The following DCUN1D5 variants were observed in gnomAD, a reference collection of about 807,000 sequenced individuals.
DCUN1D5 encodes defective in cullin neddylation 1 domain containing 5.
Under a neutral mutation model 38.3 loss-of-function variants are expected in DCUN1D5, and 10 were observed. That is an observed-to-expected ratio of 0.26 (90% confidence interval 0.16 to 0.44). DCUN1D5 has a LOEUF of 0.44. Ranked by LOEUF, DCUN1D5 falls within the 20% of genes least tolerant of loss-of-function variation. The probability of loss-of-function intolerance (pLI) is 1.00; values close to 1 mark genes in which losing one functional copy is unlikely to be tolerated. For synonymous variants in DCUN1D5, 93 were observed against 90.9 expected, an observed-to-expected ratio of 1.02 and a Z score of -0.13; for missense variants, 148 against 275.3, an observed-to-expected ratio of 0.54 and a Z score of 3.27.
chr11:103,063,652 A>G lies in DCUN1D5; in HGVS notation c.658+623T>C, dbSNP rs1390721656. 1.3e-5 allele frequency among the ~76,000 whole-genome samples: 2 copies of G among 152,152 alleles called. No homozygotes were observed. The highest frequency in any genetic ancestry group is 3.8e-4 in the East Asian group (2 of 5,200). On this transcript the variant is annotated intron_variant, in intron 7 of 7. Transcript: ENST00000260247. The surrounding 1 kb of genome is among the most constrained non-coding windows in gnomAD (Gnocchi z 4.6). Reference sequence around the variant, plus strand: ...ACCAAAATGGTGGTTGGAACTGAAAAAAATTTATAGTTCTACAGAATTAAC... The same window carrying G: ...ACCAAAATGGTGGTTGGAACTGAAAGAAATTTATAGTTCTACAGAATTAAC...
intron 4 of DCUN1D5, among the ~76,000 whole-genome samples, chr11:103,070,735 T>C (rs1208643330): frequency 6.6e-6 from 1 of 152,148 alleles, no homozygotes; most frequent in African/African-American, 2.4e-5. Flanking sequence ...TAGCTGAACT[T>C]AGTAGACTAC....
In DCUN1D5 at chr11:103,056,155, C is replaced by T. The variant is rs1861867951; in HGVS notation, c.*6204G>A. ...CATATTATCTTCCTACTACTACCTG[C>T]TTCCATCCTTGCTTTGATCTGAATC... On this transcript the variant is annotated 3_prime_UTR_variant, in exon 8 of 8. Coordinates refer to ENST00000260247, the MANE Select transcript of DCUN1D5 (RefSeq NM_032299.4). The surrounding 1 kb of genome is among the most constrained non-coding windows in gnomAD (Gnocchi z 4.9). Among the ~76,000 whole-genome samples, 1 of 152,186 alleles carries T rather than the reference C, an allele frequency of 6.6e-6. No individual in the cohort carries two copies.
At position 103,052,399 on chromosome 11, in the gene DCUN1D5, A is replaced by C. The variant is rs868743216; in HGVS notation, c.*9960T>G. On this transcript the variant is annotated 3_prime_UTR_variant, in exon 8 of 8. Transcript: ENST00000260247. ...AGTCTAGGATCAAAGAGAGACGTGA[A>C]TTTTTTCATTCATTAAATACCTATT... 1 of 152,136 alleles carries C rather than the reference A, an allele frequency of 6.6e-6. No individual in the cohort carries two copies. The highest frequency in any genetic ancestry group is 2.4e-5 in the African/African-American group (1 of 41,440). 9.4% of individuals were successfully genotyped at this position (152,136 alleles called of 1,614,324 possible). A position where few individuals can be genotyped will look rare whatever the true frequency, so the allele number is the denominator to read the frequency against.
Position 103,091,751 on chromosome 11 carries a change from G to C in DCUN1D5, c.86+36C>G, listed in dbSNP as rs776889446. The C allele has an allele frequency of 6.2e-7, 1 of 1,613,738 alleles. No individual in the cohort carries two copies. Among genetic ancestry groups the C allele is most frequent in the African/African-American group, 1.3e-5 (1 of 74,918 alleles). ...TCCTCCAGTTGTCCAGCAAAGGAGG[G>C]AGGAGGGAAGCTTGAAGGGTGGGGG... On this transcript the variant is annotated intron_variant, in intron 1 of 7. Coordinates refer to ENST00000260247, the MANE Select transcript of DCUN1D5 (RefSeq NM_032299.4). This position sits in a 1 kb window ranked among gnomAD's most constrained non-coding sequence, Gnocchi z 4.3.
At chr11:103,072,892 G>C (rs1180121372) in intron 4 of DCUN1D5, among the ~76,000 whole-genome samples, 1 of 152,004 alleles carries the variant, frequency 6.6e-6, no homozygotes, top group African/African-American at 2.4e-5. Flanking sequence ...ATGTACCCTA[G>C]AACTTGAAGT....
At position 103,083,367 on chromosome 11, in the gene DCUN1D5, CAACATAA is replaced by C. The variant is rs139214495; in HGVS notation, c.179-48_179-42del. The C allele has an allele frequency of 0.072, 78,166 of 1,091,386 alleles. 3,501 individuals are homozygous for C. Among genetic ancestry groups the C allele is most frequent in the East Asian group, 0.13 (5,288 of 40,266 alleles). The allele number at this position is 1,091,386 out of a possible 1,614,324, so 67.6% of individuals were successfully genotyped here. ...TAATTAACATATTTTGTTATAATAT[CAACATAA>C]AACATAAATCGTCATGCTAAAGGTA... is the stretch of plus-strand genomic sequence containing the variant. On this transcript the variant is annotated intron_variant, in intron 2 of 7. Transcript: ENST00000260247. The surrounding 1 kb of genome is among the most constrained non-coding windows in gnomAD (Gnocchi z 4.4).
At position 103,089,286 on chromosome 11, in the gene DCUN1D5, A is replaced by G. The variant is rs1322035832; in HGVS notation, c.119T>C (p.Ile40Thr). The G allele has an allele frequency of 1.2e-6, 2 of 1,611,926 alleles. No homozygotes were observed. Among genetic ancestry groups the G allele is most frequent in the East Asian group, 4.5e-5 (2 of 44,862 alleles). The stretch of plus-strand genomic sequence containing the variant: ...GCTTGAAAAATGTTCCTCTCCACTT[A>G]TTAGTCTAGCAGGGGGTTGGGATCT... ...YCRSQPPARL[I>T]SGEEHFSSKK... The change falls in exon 2 of 8, where the codon ATA becomes ACA. Residue 40 changes from isoleucine (I) to threonine (T), a missense_variant. By Grantham distance (89) the Ile-to-Thr change is moderately conservative (BLOSUM62 -1). Coordinates refer to ENST00000260247, the MANE Select transcript of DCUN1D5 (RefSeq NM_032299.4).
Position 103,051,441 on chromosome 11 carries a change from T to C in DCUN1D5, c.*10918A>G, listed in dbSNP as rs561814802. 3.3e-5 allele frequency: 5 copies of C among 149,920 alleles called. No homozygotes were observed. The highest frequency in any genetic ancestry group is 7.4e-5 in the Non-Finnish European group (5 of 67,818). The allele number at this position is 149,920 out of a possible 1,614,324, so 9.3% of individuals were successfully genotyped here. ...TCACCTGTGACATAACTTTGGAGTC[T>C]CATGGGAGTTCCAAAGTTTTTCTCC... On this transcript the variant is annotated 3_prime_UTR_variant, in exon 8 of 8. Transcript: ENST00000260247.
chr11:103,083,638 A>C lies in DCUN1D5; in HGVS notation c.179-312T>G, dbSNP rs940963114. Among the ~76,000 whole-genome samples, 3 of 152,002 alleles carry C rather than the reference A, an allele frequency of 2.0e-5. No individual in the cohort carries two copies. The highest frequency in any genetic ancestry group is 1.3e-4 in the Admixed American group (2 of 15,268). ...TCCATTAAAAAAAAAATTCACTGAG[A>C]GCCTACTCTGAATAAAATTTTTGAC... On this transcript the variant is annotated intron_variant, in intron 2 of 7. Coordinates refer to ENST00000260247, the MANE Select transcript of DCUN1D5 (RefSeq NM_032299.4). The surrounding 1 kb of genome is among the most constrained non-coding windows in gnomAD (Gnocchi z 4.4).
At chr11:103,082,311 G>A (rs1342747314) in intron 4 of DCUN1D5, among the ~76,000 whole-genome samples, 1 of 152,050 alleles carries the variant, frequency 6.6e-6, no homozygotes, top group South Asian at 2.1e-4. Context: ...TCATAAAAGG[G>A]TTATGTAACT....
In DCUN1D5 at chr11:103,071,223, A is replaced by G. The variant is rs1197488780; in HGVS notation, c.342-4656T>C. On this transcript the variant is annotated intron_variant, in intron 4 of 7. Coordinates refer to ENST00000260247, the MANE Select transcript of DCUN1D5 (RefSeq NM_032299.4). The surrounding 1 kb of genome is among the most constrained non-coding windows in gnomAD (Gnocchi z 4.1). ...AAGAGCAGAAACTGCTGAAATTGAAAACAGAAAAATCAATGCAACAAAGCA... is the reference window on the plus strand; with the variant it reads ...AAGAGCAGAAACTGCTGAAATTGAAGACAGAAAAATCAATGCAACAAAGCA... 6.6e-6 allele frequency among the ~76,000 whole-genome samples: 1 copy of G among 152,140 alleles called. No homozygotes were observed. Among genetic ancestry groups the G allele is most frequent in the Non-Finnish European group, 1.5e-5 (1 of 67,972 alleles).
At position 103,058,933 on chromosome 11, in the gene DCUN1D5, T is replaced by A. The variant is rs72987599; in HGVS notation, c.*3426A>T. 3.0e-3 allele frequency among the ~76,000 whole-genome samples: 452 copies of A among 152,028 alleles called. 2 individuals carry two copies. Among genetic ancestry groups the A allele is most frequent in the Non-Finnish European group, 5.4e-3 (365 of 67,924 alleles). On this transcript the variant is annotated 3_prime_UTR_variant, in exon 8 of 8. Coordinates refer to ENST00000260247, the MANE Select transcript of DCUN1D5 (RefSeq NM_032299.4). ...TAATTTTATTTTTTATTTTTGGCCT[T>A]TTGCTTTAACAAAGAAAGGCATTTA... is the stretch of plus-strand genomic sequence containing the variant.
In DCUN1D5 at chr11:103,064,291, A is replaced by G. The variant is rs750133423; in HGVS notation, c.642T>C (p.Tyr214=). The change falls in exon 7 of 8, where the codon TAT becomes TAC. Residue 214 remains tyrosine, a synonymous_variant. Coordinates refer to ENST00000260247, the MANE Select transcript of DCUN1D5 (RefSeq NM_032299.4). This position sits in a 1 kb window ranked among gnomAD's most constrained non-coding sequence, Gnocchi z 4.5. ...TATACTTACAAGCACCATCTTCATC[A>G]TAGTTACTAAGATCAGCATGGACTG... ...SRTVHADLSN[Y]DEDGAWPVLL... The G allele has an allele frequency of 1.7e-5, 27 of 1,609,532 alleles. No homozygotes were observed. Among genetic ancestry groups the G allele is most frequent in the Non-Finnish European group, 2.2e-5 (26 of 1,178,820 alleles).
intron 2 of DCUN1D5, 93 bp downstream of exon 2, chr11:103,089,134 T>G: frequency 7.8e-7 from 1 of 1,286,218 alleles, no homozygotes; most frequent in Non-Finnish European, 1.1e-6. Flanking sequence ...CACTAACACA[T>G]AGCAGGCCTG....
rs1016996569 is a variant in DCUN1D5 at position 103,073,985 on chromosome 11, G to A, written c.342-7418C>T. Reference sequence around the variant, plus strand: ...CTCGGGGGGCTGATGTGGGAGGATCGCTTGAACCCAGGAGGTGAAGGTTGA... The same window carrying A: ...CTCGGGGGGCTGATGTGGGAGGATCACTTGAACCCAGGAGGTGAAGGTTGA... On this transcript the variant is annotated intron_variant, in intron 4 of 7. Coordinates refer to ENST00000260247, the MANE Select transcript of DCUN1D5 (RefSeq NM_032299.4). This position sits in a 1 kb window ranked among gnomAD's most constrained non-coding sequence, Gnocchi z 4.2. Among the ~76,000 whole-genome samples the A allele has an allele frequency of 7.2e-5, 11 of 152,034 alleles. No individual in the cohort carries two copies. The highest frequency in any genetic ancestry group is 1.6e-4 in the Non-Finnish European group (11 of 67,988).
chr11:103,066,132 GATATGTAC>G lies in DCUN1D5; in HGVS notation c.555+129_555+136del. 2.0e-6 allele frequency: 1 copy of G among 496,272 alleles called. No individual in the cohort carries two copies. The highest frequency in any genetic ancestry group is 5.0e-4 in the Middle Eastern group (1 of 1,994). 30.7% of individuals were successfully genotyped at this position (496,272 alleles called of 1,614,324 possible). Reference sequence around the variant, plus strand: ...GAACTTCTATCTAAAAATAGCAACTGATATGTACATATTTTAGAATTTTTTCTCTAAAG... The same window carrying G: ...GAACTTCTATCTAAAAATAGCAACTGATATTTTAGAATTTTTTCTCTAAAG... On this transcript the variant is annotated intron_variant, in intron 6 of 7. Coordinates refer to ENST00000260247, the MANE Select transcript of DCUN1D5 (RefSeq NM_032299.4). The surrounding 1 kb of genome is among the most constrained non-coding windows in gnomAD (Gnocchi z 4.7).
At chr11:103,072,758 C>CG (rs1222083311) in intron 4 of DCUN1D5, among the ~76,000 whole-genome samples, 23 of 9,544 alleles carry the variant, frequency 2.4e-3, no homozygotes, top group Non-Finnish European at 8.5e-4. Context: ...CGGGGCCTGT[C>CG]GGGGGGTGGG....
chr11:103,054,777 TA>T lies in DCUN1D5; in HGVS notation c.*7581del, dbSNP rs986215049. ...GTTTCCTTGGAAACTCCTTGGAATA[TA>T]AATATACATTTATATTCAAATGTAT... On this transcript the variant is annotated 3_prime_UTR_variant, in exon 8 of 8. Transcript: ENST00000260247. The T allele has an allele frequency of 2.6e-5, 4 of 152,076 alleles. No homozygotes were observed. The highest frequency in any genetic ancestry group is 9.7e-5 in the African/African-American group (4 of 41,412). 9.4% of individuals were successfully genotyped at this position (152,076 alleles called of 1,614,324 possible). A position where few individuals can be genotyped will look rare whatever the true frequency, so the allele number is the denominator to read the frequency against.
chr11:103,068,560 T>A (rs1044215437), intron 4 of DCUN1D5, among the ~76,000 whole-genome samples: 1 of 151,998 alleles, frequency 6.6e-6, no homozygotes, highest in Non-Finnish European at 1.5e-5. Context: ...GTGCTAGAGG[T>A]CATTATCCTT....
Sources: allele counts gnomAD v4.1 joint callset (sites outside exome capture counted in the v4.1 genomes callset), GRCh38; gene constraint gnomAD v4.1.1; non-coding constraint Gnocchi (gnomAD v3.1); transcripts MANE v1.5; gene names NCBI Gene and HGNC (gene_info 2026-07-23, HGNC 2026-07-21).